Variants in DLG4 observed in about 807,000 individuals in gnomAD.
The protein encoded by DLG4 is disks large homolog 4.
DLG4 carries 7 observed loss-of-function variants against 93.8 expected under a neutral mutation model. The observed-to-expected ratio is 0.07, with a 90% CI of 0.04 to 0.14. The LOEUF (loss-of-function observed/expected upper bound fraction) is 0.14. Ranked by LOEUF, DLG4 falls within the 10% of genes least tolerant of loss-of-function variation. The pLI is 1.00. For missense variants in DLG4, 545 were observed against 992.9 expected (o/e 0.55, Z 6.06); for synonymous variants, 341 against 387.6 (o/e 0.88, Z 1.41).
intron 17 of DLG4, chr17:7,192,364 GA>G: frequency 4.1e-6 from 1 of 244,932 alleles, no homozygotes. Flanking sequence ...GGAAAGCCAA[GA>G]AAAAGGAGAA....
chr17:7,219,751 C>A (rs1409315170), upstream of DLG4: 7 of 1,455,554 alleles, frequency 4.8e-6, no homozygotes, highest in South Asian at 4.1e-5. Context: ...GTCGGACGGG[C>A]GGGATTAAGG....
At chr17:7,213,265 T>A (rs1597495377) in intron 1 of DLG4, among the ~76,000 whole-genome samples, 1 of 151,748 alleles carries the variant, frequency 6.6e-6, no homozygotes, top group Non-Finnish European at 1.5e-5. Flanking sequence ...GCCCGGCTAA[T>A]TTTTTTGTAT....
intron 2 of DLG4, chr17:7,205,048 C>G (rs946680117): frequency 2.0e-6 from 2 of 985,452 alleles, no homozygotes; most frequent in African/African-American, 3.5e-5. Flanking sequence ...GCCTCTCCTG[C>G]CCTGGGCCCC....
rs910586519 is a variant in DLG4, at chr17:7,208,579, G to A, written c.31-340C>T. On this transcript the variant is annotated intron_variant, in intron 1 of 19. Transcript: ENST00000399506. This position sits in a 1 kb window ranked among gnomAD's most constrained non-coding sequence, Gnocchi z 5.4. ...CCCTTTCCCCACCACCTTCATCTTC[G>A]AGTCCCTCCAGCTTCTCAGAGCTCT... 1.3e-5 allele frequency among the ~76,000 whole-genome samples: 2 copies of A among 151,634 alleles called. No homozygotes were observed. The highest frequency in any genetic ancestry group is 4.9e-5 in the African/African-American group (2 of 41,220).
At chr17:7,217,725 T>G, upstream of DLG4, 1 of 1,531,494 alleles carries the variant, frequency 6.5e-7, no homozygotes, top group Non-Finnish European at 8.7e-7. Flanking sequence ...GGAACCCGGA[T>G]AATGGGAAAG....
intron 19 of DLG4, 52 bp from the exon 20 acceptor site, chr17:7,190,866 C>G: frequency 2.7e-6 from 4 of 1,502,934 alleles, no homozygotes; most frequent in Non-Finnish European, 3.7e-6. Context: ...CAGAGGACAC[C>G]TGGCCAAGGG....
chr17:7,192,620 G>A (rs1350903330), intron 17 of DLG4, among the ~76,000 whole-genome samples: 2 of 151,642 alleles, frequency 1.3e-5, no homozygotes, highest in Non-Finnish European at 2.9e-5. Context: ...GAAAAAGGGA[G>A]GGACCCAGTG....
chr17:7,219,214 G>A, upstream of DLG4: 1 of 331,926 alleles, frequency 3.0e-6, no homozygotes, highest in South Asian at 4.4e-5. Context: ...CCTGCCCTAG[G>A]GCTAGAGAAG....
At chr17:7,218,819 C>T (rs2142952670), upstream of DLG4, 5 of 1,613,786 alleles carry the variant, frequency 3.1e-6, no homozygotes, top group African/African-American at 1.3e-5. Context: ...CACAAGGAGC[C>T]CTGTTTTTCA....
chr17:7,219,767 G>C, upstream of DLG4: 2 of 1,482,358 alleles, frequency 1.3e-6, no homozygotes, highest in Non-Finnish European at 1.8e-6. Flanking sequence ...TAAGGAGTTT[G>C]GGGGAGACGA....
At position 7,203,401 on chromosome 17, in the gene DLG4, G is replaced by A. The variant is rs1307957485; in HGVS notation, c.505+23C>T. On this transcript the variant is annotated intron_variant, in intron 6 of 19. Transcript: ENST00000399506. The surrounding 1 kb of genome is among the most constrained non-coding windows in gnomAD (Gnocchi z 7.2). ...GGGGCACAGGACAGTTGGGATGGGG[G>A]TGGGAACAAAATGAGTTACTACCTT... The A allele has an allele frequency of 6.3e-7, 1 of 1,596,260 alleles. No individual in the cohort carries two copies. Among genetic ancestry groups the A allele is most frequent in the East Asian group, 2.3e-5 (1 of 44,336 alleles).
At chr17:7,192,751 G>C (rs890147439) in intron 17 of DLG4, among the ~76,000 whole-genome samples, 194 bp downstream of exon 17, 1 of 151,946 alleles carries the variant, frequency 6.6e-6, no homozygotes, top group African/African-American at 2.4e-5. Context: ...GGAAGTGAGG[G>C]AGGTGGGAGA....
Position 7,196,226 on chromosome 17 carries a change from T to A in DLG4, c.1295A>T (p.Tyr432Phe). Residue 432 changes from tyrosine (Y) to phenylalanine (F), a missense_variant, in exon 11 of 20, where the codon TAC becomes TTC. Around this residue, in one of 5 missense-constraint regions of DLG4, gnomAD observed 428 missense variants for 741.4 expected, o/e 0.58. Coordinates refer to ENST00000399506, the MANE Select transcript of DLG4 (RefSeq NM_001321075.3). This position sits in a 1 kb window ranked among gnomAD's most constrained non-coding sequence, Gnocchi z 8.3. ...SLRSNPKRGF[Y>F]IRALFDYDKT... ...AGCCCGGGAAGCCTCTGACCTGATG[T>A]AGAAACCCCTTTTGGGGTTGCTCCG... 1 of 1,613,136 alleles carries A rather than the reference T, an allele frequency of 6.2e-7. No homozygotes were observed.
At position 7,203,098 on chromosome 17, in the gene DLG4, A is replaced by T; in HGVS notation, c.643-51T>A. 6.3e-7 allele frequency: 1 copy of T among 1,581,100 alleles called. No individual in the cohort carries two copies. Among genetic ancestry groups the T allele is most frequent in the East Asian group, 2.3e-5 (1 of 44,270 alleles). ...GACAAAGCCACAAATGGCCCAAGAC[A>T]GAAGCACTGGGGTGAAGTGATGAAC... On this transcript the variant is annotated intron_variant, in intron 7 of 19. Transcript: ENST00000399506. The surrounding 1 kb of genome is among the most constrained non-coding windows in gnomAD (Gnocchi z 7.2).
At position 7,193,078 on chromosome 17, in the gene DLG4, C is replaced by T. The variant is rs914296410; in HGVS notation, c.1733G>A (p.Arg578Gln). 1.9e-6 allele frequency: 3 copies of T among 1,613,776 alleles called. No individual in the cohort carries two copies. The highest frequency in any genetic ancestry group is 2.5e-6 in the Non-Finnish European group (3 of 1,179,784). The change falls in exon 17 of 20, where the codon CGG becomes CAG. Residue 578 changes from arginine to glutamine, a missense_variant. Physicochemically the swap from Arg to Gln is conservative, Grantham distance 43 (BLOSUM62 1). Around this residue, in one of 5 missense-constraint regions of DLG4, gnomAD observed 428 missense variants for 741.4 expected, o/e 0.58. Transcript: ENST00000399506. The surrounding 1 kb of genome is among the most constrained non-coding windows in gnomAD (Gnocchi z 6.7). ...CCGGGACGACACAAAGTGGTAATCC[C>T]GGCCATCTATCTCATACTCCCGCTT... ...RPKREYEIDG[R>Q]DYHFVSSREK...
chr17:7,194,990 GC>G lies in DLG4; in HGVS notation c.1302-496del, dbSNP rs2069694873. On this transcript the variant is annotated intron_variant, in intron 11 of 19. Coordinates refer to ENST00000399506, the MANE Select transcript of DLG4 (RefSeq NM_001321075.3). The surrounding 1 kb of genome is among the most constrained non-coding windows in gnomAD (Gnocchi z 4.4). ...GCAGAGATCACGCCACTGCACTCCAGCCTGGGCAACGGAGCGAGACACCGTC... is the reference window on the plus strand; with the variant it reads ...GCAGAGATCACGCCACTGCACTCCAGCTGGGCAACGGAGCGAGACACCGTC... Among the ~76,000 whole-genome samples, 1 of 149,934 alleles carries G rather than the reference GC, an allele frequency of 6.7e-6. No homozygotes were observed. The highest frequency in any genetic ancestry group is 1.5e-5 in the Non-Finnish European group (1 of 67,738).
intron 8 of DLG4, among the ~76,000 whole-genome samples, chr17:7,199,205 A>C (rs1301814770): frequency 1.3e-5 from 2 of 150,980 alleles, no homozygotes; most frequent in East Asian, 3.9e-4. Flanking sequence ...TTTTTTAATT[A>C]TTTATTTTTT....
intron 2 of DLG4, among the ~76,000 whole-genome samples, chr17:7,206,106 C>A (rs1018552241): frequency 3.3e-5 from 5 of 151,830 alleles, no homozygotes; most frequent in African/African-American, 1.2e-4. Flanking sequence ...TCTTTTTTTC[C>A]AGAGACAAGG....
At chr17:7,209,038 A>T (rs2070607966) in intron 1 of DLG4, among the ~76,000 whole-genome samples, 1 of 152,108 alleles carries the variant, frequency 6.6e-6, no homozygotes, top group Non-Finnish European at 1.5e-5. Flanking sequence ...GAGGAAGGGG[A>T]AGAACAGAGA....
Sources: allele counts gnomAD v4.1 joint callset (sites outside exome capture counted in the v4.1 genomes callset), GRCh38; gene constraint gnomAD v4.1.1; regional missense constraint gnomAD v4.1.1; non-coding constraint Gnocchi (gnomAD v3.1); transcripts MANE v1.5; gene names NCBI Gene and HGNC (gene_info 2026-07-23, HGNC 2026-07-21).